The following ATRX variants were observed in gnomAD, a reference collection of about 807,000 sequenced individuals.
ATRX encodes ATRX chromatin remodeler.
ATRX carries 12 observed loss-of-function variants against 172.6 expected under a neutral mutation model. That is an observed-to-expected ratio of 0.07 (90% confidence interval 0.04 to 0.11). ATRX has a LOEUF of 0.11. ATRX is among the 10% of genes least tolerant of loss of function. The probability of loss-of-function intolerance (pLI) is 1.00; values close to 1 mark genes in which losing one functional copy is unlikely to be tolerated. For synonymous variants in ATRX, 674 were observed against 594.7 expected, an observed-to-expected ratio of 1.13 and a Z score of -1.94; for missense variants, 1,368 against 1,767.4, an observed-to-expected ratio of 0.77 and a Z score of 4.05.
Position 77,508,508 on chromosome X carries a change from G to A in ATRX, c.7322C>T (p.Pro2441Leu), listed in dbSNP as rs2147649707. The A allele has an allele frequency of 8.3e-7, 1 of 1,211,487 alleles. No individual in the cohort carries two copies. The highest frequency in any genetic ancestry group is 1.1e-6 in the Non-Finnish European group (1 of 895,477). The change falls in exon 35 of 35, where the codon CCC (proline) becomes CTC (leucine). Residue 2441 changes from proline (P) to leucine (L), a missense_variant. Physicochemically the swap from Pro to Leu is moderately conservative, Grantham distance 98. Transcript: ENST00000373344. ...AGAAGGATTCATGATCAAATTTGGG[G>A]GCTTTGGCATCATGAGGTGACCCAG... ...ATLGHLMMPK[P>L]PNLIMNPSNY...
At chrX:77,740,715 C>T (rs2148845796) in intron 1 of ATRX, among the ~76,000 whole-genome samples, 1 of 110,384 alleles carries the variant, frequency 9.1e-6, no homozygotes, top group African/African-American at 3.3e-5. Context: ...TTCCTTACCA[C>T]TACATCAATA....
chrX:77,701,696 C>T (rs2072523749), intron 2 of ATRX, among the ~76,000 whole-genome samples: 1 of 110,470 alleles, frequency 9.1e-6, no homozygotes, highest in South Asian at 3.9e-4. Flanking sequence ...CTTTGCACTA[C>T]GGATTCTACT....
At chrX:77,523,589 C>T (rs1322192295) in intron 30 of ATRX, among the ~76,000 whole-genome samples, 188 bp from the exon 31 acceptor site, 2 of 111,919 alleles carry the variant, frequency 1.8e-5, no homozygotes, top group Admixed American at 1.9e-4. Flanking sequence ...GTAAGACTTT[C>T]ATGTTTATAC....
intron 1 of ATRX, among the ~76,000 whole-genome samples, chrX:77,730,848 G>T: frequency 9.0e-6 from 1 of 110,803 alleles, no homozygotes. Flanking sequence ...TAAAAGGGAA[G>T]TTTATAGCTG....
At chrX:77,733,709 A>C (rs1557177294) in intron 1 of ATRX, among the ~76,000 whole-genome samples, 3 of 93,672 alleles carry the variant, frequency 3.2e-5, no homozygotes, top group Non-Finnish European at 6.4e-5. Context: ...TCTATGCTAA[A>C]AAAAAAAAAA....
chrX:77,663,689 G>A, intron 11 of ATRX, 131 bp from the exon 12 acceptor site: 1 of 508,386 alleles, frequency 2.0e-6, no homozygotes, highest in Non-Finnish European at 3.3e-6. Flanking sequence ...GGTATCATTG[G>A]TGTTATCAGG....
chrX:77,632,386 G>T (rs1034789586), intron 19 of ATRX, among the ~76,000 whole-genome samples: 6 of 111,097 alleles, frequency 5.4e-5, no homozygotes, highest in Non-Finnish European at 9.4e-5. Context: ...CAATAAACCA[G>T]CCACAAGATT....
At chrX:77,666,326 T>C (rs1272724557) in intron 10 of ATRX, among the ~76,000 whole-genome samples, 2 of 112,253 alleles carry the variant, frequency 1.8e-5, no homozygotes, top group Non-Finnish European at 1.9e-5. Flanking sequence ...CTTACATTTC[T>C]AGATCAATGG....
intron 30 of ATRX, among the ~76,000 whole-genome samples, chrX:77,549,788 G>A (rs1278837888): frequency 1.6e-4 from 18 of 111,687 alleles, no homozygotes; most frequent in African/African-American, 5.9e-4. Context: ...TTCCAAAAGG[G>A]AAAAGCAGCA....
At chrX:77,663,118 C>T (rs782625498) in intron 12 of ATRX, among the ~76,000 whole-genome samples, 1 of 111,621 alleles carries the variant, frequency 9.0e-6, no homozygotes, top group East Asian at 2.8e-4. Context: ...GCAATCGCTG[C>T]TCACTACAGC....
chrX:77,590,048 G>A, intron 26 of ATRX, 108 bp from the exon 27 acceptor site: 1 of 682,281 alleles, frequency 1.5e-6, no homozygotes, highest in Non-Finnish European at 2.2e-6. Flanking sequence ...AATCCCAGCA[G>A]GATTTTTTTG....
intron 2 of ATRX, among the ~76,000 whole-genome samples, chrX:77,714,170 T>C (rs1162896155): frequency 4.5e-5 from 5 of 110,631 alleles, no homozygotes; most frequent in South Asian, 3.9e-4. Flanking sequence ...TCTTGGCCAA[T>C]AGTGAGTGAG....
At position 77,683,445 on chromosome X, in the gene ATRX, T is replaced by A. The variant is rs2148614384; in HGVS notation, c.1811A>T (p.Asp604Val). 1 of 1,210,497 alleles carries A rather than the reference T, an allele frequency of 8.3e-7. No individual in the cohort carries two copies. Among genetic ancestry groups the A allele is most frequent in the East Asian group, 3.0e-5 (1 of 33,846 alleles). ...SLSNSPIKGA[D>V]CQEVPQDKDG... ...TTTATCTTGTGGAACTTCCTGACAA[T>A]CAGCACCTTTAATTGGGGAATTAGA... Residue 604 changes from aspartate (D) to valine (V), a missense_variant, in exon 9 of 35, where the codon GAT becomes GTT. Transcript: ENST00000373344.
intron 30 of ATRX, among the ~76,000 whole-genome samples, chrX:77,554,278 C>G (rs1372191701): frequency 9.0e-6 from 1 of 111,095 alleles, no homozygotes; most frequent in African/African-American, 3.3e-5. Flanking sequence ...GCACTCCAGC[C>G]TGGGCAACAG....
At chrX:77,567,325 C>CA (rs1323040369) in intron 28 of ATRX, among the ~76,000 whole-genome samples, 1 of 111,086 alleles carries the variant, frequency 9.0e-6, no homozygotes, top group African/African-American at 3.3e-5. Flanking sequence ...AAAAATAAAA[C>CA]AAAAAACATG....
chrX:77,697,162 T>C (rs2072232855), intron 4 of ATRX, among the ~76,000 whole-genome samples: 1 of 111,584 alleles, frequency 9.0e-6, no homozygotes, highest in East Asian at 2.8e-4. Flanking sequence ...AAAAAAGTGT[T>C]TTTTACCACT....
At chrX:77,653,974 C>T (rs1468993017) in intron 14 of ATRX, 124 bp downstream of exon 14, 2 of 542,525 alleles carry the variant, frequency 3.7e-6, no homozygotes, top group Admixed American at 3.0e-5. Flanking sequence ...AATCCTTCCA[C>T]AAGTGTAAAA....
intron 1 of ATRX, among the ~76,000 whole-genome samples, chrX:77,782,676 C>G (rs1557206111): frequency 1.8e-5 from 2 of 111,696 alleles, no homozygotes; most frequent in African/African-American, 6.5e-5. Context: ...TCGCTTGAAC[C>G]CAGGAGGCAA....
At chrX:77,523,823 T>G (rs2063303329) in intron 30 of ATRX, among the ~76,000 whole-genome samples, 1 of 111,617 alleles carries the variant, frequency 9.0e-6, no homozygotes, top group Non-Finnish European at 1.9e-5. Flanking sequence ...TCACAATCAT[T>G]TCAACTGCCA....
Sources: allele counts gnomAD v4.1 joint callset (sites outside exome capture counted in the v4.1 genomes callset), GRCh38; gene constraint gnomAD v4.1.1; transcripts MANE v1.5; gene names NCBI Gene and HGNC (gene_info 2026-07-23, HGNC 2026-07-21).